Variants in RBFOX1 observed in about 807,000 individuals in gnomAD.
RBFOX1 encodes RNA binding protein fox-1 homolog 1.
Under a neutral mutation model 57.7 loss-of-function variants are expected in RBFOX1, and 8 were observed. That is an observed-to-expected ratio of 0.14 (90% CI 0.08 to 0.25). The LOEUF (loss-of-function observed/expected upper bound fraction) is 0.25, where lower values mean the gene tolerates loss of function less well. RBFOX1 is among the 10% of genes least tolerant of loss of function. The pLI is 1.00. For synonymous variants in RBFOX1, 326 were observed against 222.4 expected, an observed-to-expected ratio of 1.47 and a Z score of -4.15; for missense variants, 611 against 548.5, an observed-to-expected ratio of 1.11 and a Z score of -1.14.
chr16:6,803,938 G>C (rs1183266072), intron 3 of RBFOX1, among the ~76,000 whole-genome samples: 2 of 151,800 alleles, frequency 1.3e-5, no homozygotes, highest in Non-Finnish European at 2.9e-5. Flanking sequence ...ATCTTGTTTA[G>C]AACCCATAGT....
At chr16:7,653,793 T>TCTC in intron 11 of RBFOX1, 22 bp from the exon 12 acceptor site, 1 of 1,607,490 alleles carries the variant, frequency 6.2e-7, no homozygotes, top group Non-Finnish European at 8.5e-7. Flanking sequence ...GCTCTCTCTC[T>TCTC]CTCTCTCCTC....
At chr16:6,525,317 T>G (rs1414525084) in intron 2 of RBFOX1, among the ~76,000 whole-genome samples, 1 of 152,142 alleles carries the variant, frequency 6.6e-6, no homozygotes, top group Admixed American at 6.5e-5. Context: ...GATGTTAGAG[T>G]TTGGAGAAGT....
At chr16:6,625,157 TAAAAAA>T (rs34634402) in intron 2 of RBFOX1, among the ~76,000 whole-genome samples, 13 of 56,340 alleles carry the variant, frequency 2.3e-4, no homozygotes, top group African/African-American at 5.3e-4. Context: ...CAACCCTATC[TAAAAAA>T]AAAAAAAAAA....
intron 2 of RBFOX1, among the ~76,000 whole-genome samples, chr16:5,566,561 A>G (rs2046075922): frequency 6.6e-6 from 1 of 151,488 alleles, no homozygotes; most frequent in Admixed American, 6.6e-5. Context: ...AGATTTCAGG[A>G]AAGTAGTTAT....
intron 4 of RBFOX1, among the ~76,000 whole-genome samples, chr16:7,057,181 A>G (rs2052597544): frequency 6.6e-6 from 1 of 152,298 alleles, no homozygotes; most frequent in East Asian, 1.9e-4. Context: ...AACTCCCCAC[A>G]AGGAAAGACA....
chr16:7,447,559 C>T (rs759391228), intron 4 of RBFOX1, among the ~76,000 whole-genome samples: 4 of 152,054 alleles, frequency 2.6e-5, no homozygotes, highest in African/African-American at 4.8e-5. Context: ...GCCCAGTCAC[C>T]TTCTCATTAT....
chr16:5,253,123 G>A lies in RBFOX1; in HGVS notation c.219+13018G>A, dbSNP rs184427487. On this transcript the variant is annotated intron_variant, in intron 1 of 2. Coordinates refer to the RBFOX1 transcript ENST00000585867. ...GGAAGAAAGCCCTTTCTCCCCTTTAGCAAATGCTGTGTCATTCTTTTTTTT... is the reference window on the plus strand; with the variant it reads ...GGAAGAAAGCCCTTTCTCCCCTTTAACAAATGCTGTGTCATTCTTTTTTTT... 7.9e-5 allele frequency among the ~76,000 whole-genome samples: 12 copies of A among 152,130 alleles called. No individual in the cohort carries two copies. In the East Asian group the frequency reaches 1.4e-3, roughly 17 times the overall value.
intron 2 of RBFOX1, among the ~76,000 whole-genome samples, chr16:6,546,252 A>G (rs1429091419): frequency 6.6e-6 from 1 of 152,196 alleles, no homozygotes. Context: ...CATGGCACTC[A>G]TATCGCCTGT....
At position 6,591,175 on chromosome 16, in the gene RBFOX1, G is replaced by A. The variant is rs1237538398; in HGVS notation, c.-63-63428G>A. On this transcript the variant is annotated intron_variant, in intron 2 of 15. Transcript: ENST00000550418. ...TAATTGAAAAACCTGGCCAGGCGTG[G>A]CTGCTCATGCCTGTAATCCCAGTGC... Among the ~76,000 whole-genome samples the A allele has an allele frequency of 2.0e-5, 3 of 152,194 alleles. No homozygotes were observed. In the East Asian group the frequency reaches 5.8e-4, roughly 29 times the overall value.
At chr16:5,562,243 A>C (rs113404155) in intron 2 of RBFOX1, among the ~76,000 whole-genome samples, 2 of 152,064 alleles carry the variant, frequency 1.3e-5, no homozygotes, top group Non-Finnish European at 2.9e-5. Flanking sequence ...AAAGTGTGGA[A>C]ATTGGAGGTC....
chr16:6,515,271 C>T (rs79835679), intron 2 of RBFOX1, among the ~76,000 whole-genome samples: 2,109 of 152,296 alleles, frequency 0.014, 47 homozygotes, highest in African/African-American at 0.049. Context: ...CTGTATTCTT[C>T]CTCTCCTGAC....
intron 4 of RBFOX1, among the ~76,000 whole-genome samples, chr16:7,060,230 T>A (rs913644596): frequency 6.6e-6 from 1 of 152,232 alleles, no homozygotes; most frequent in South Asian, 2.1e-4. Context: ...ATAGATAAAA[T>A]GAATGATTGA....
chr16:7,341,401 CTG>C (rs1195373070), intron 4 of RBFOX1, among the ~76,000 whole-genome samples: 1 of 152,174 alleles, frequency 6.6e-6, no homozygotes, highest in African/African-American at 2.4e-5. Flanking sequence ...GATTTCGTGA[CTG>C]TTGTCTTGCA....
chr16:6,889,227 A>G (rs1163918280), intron 3 of RBFOX1, among the ~76,000 whole-genome samples: 1 of 152,188 alleles, frequency 6.6e-6, no homozygotes, highest in African/African-American at 2.4e-5. Context: ...TTTCCATGAA[A>G]GTGAGTCTTC....
chr16:5,737,482 T>A (rs544500622), intron 3 of RBFOX1, among the ~76,000 whole-genome samples: 24 of 142,700 alleles, frequency 1.7e-4, no homozygotes, highest in Non-Finnish European at 2.5e-4. Context: ...TGAGACTCCA[T>A]CTCAAAAATA....
intron 4 of RBFOX1, among the ~76,000 whole-genome samples, chr16:7,318,141 A>G (rs2096479998): frequency 6.6e-6 from 1 of 150,922 alleles, no homozygotes; most frequent in African/African-American, 2.4e-5. Flanking sequence ...TGTAGTGGTG[A>G]TAATGGTGGT....
intron 1 of RBFOX1, among the ~76,000 whole-genome samples, chr16:5,337,169 A>G (rs949420950): frequency 1.3e-5 from 2 of 152,138 alleles, no homozygotes; most frequent in African/African-American, 4.8e-5. Context: ...CAGGTGACAA[A>G]AGAACCTCCC....
intron 4 of RBFOX1, among the ~76,000 whole-genome samples, chr16:7,341,583 G>T (rs1364014479): frequency 6.6e-6 from 1 of 152,144 alleles, no homozygotes. Flanking sequence ...ATTGCTGTCA[G>T]TGGTCTGACA....
At chr16:7,687,521 C>CA (rs1297094009) in intron 14 of RBFOX1, among the ~76,000 whole-genome samples, 1 of 151,870 alleles carries the variant, frequency 6.6e-6, no homozygotes, top group Non-Finnish European at 1.5e-5. Context: ...GTAAGATCAG[C>CA]AATATGAATT....
Sources: allele counts gnomAD v4.1 joint callset (sites outside exome capture counted in the v4.1 genomes callset), GRCh38; gene constraint gnomAD v4.1.1; transcripts MANE v1.5; gene names NCBI Gene and HGNC (gene_info 2026-07-23, HGNC 2026-07-21).